FAHD2B: variants seen among roughly 807,000 people sequenced by gnomAD.
FAHD2B encodes the protein fumarylacetoacetate hydrolase domain containing 2B.
In FAHD2B, 26 loss-of-function variants were observed where a neutral mutation model predicts 33.7. The ratio of observed to expected loss-of-function variants is 0.77; its 90% CI spans 0.57 to 1.07. FAHD2B has a LOEUF of 1.07. FAHD2B is among the 50% of genes least tolerant of loss of function. FAHD2B has a pLI of 0.00. For synonymous variants in FAHD2B, 108 were observed against 150.9 expected, an observed-to-expected ratio of 0.72 and a Z score of 2.08; for missense variants, 272 against 388.1, an observed-to-expected ratio of 0.70 and a Z score of 2.51.
chr2:97,083,450 G>C (rs1202937443), downstream of FAHD2B: 1 of 1,323,844 alleles, frequency 7.6e-7, no homozygotes, highest in African/African-American at 1.5e-5. Context: ...GAGACGAGTT[G>C]TCTTTTCCCC....
At chr2:97,079,733 CGGCTCACGGCA>C (rs2031583675), downstream of FAHD2B, among the ~76,000 whole-genome samples, 1 of 151,120 alleles carries the variant, frequency 6.6e-6, no homozygotes, top group African/African-American at 2.4e-5. Flanking sequence ...GGTGCAATCT[CGGCTCACGGCA>C]ACCTCCACCT....
downstream of FAHD2B, chr2:97,081,547 C>T: frequency 1.3e-6 from 2 of 1,534,274 alleles, no homozygotes; most frequent in Middle Eastern, 2.3e-4. Context: ...AAGATCCTTG[C>T]CTGGAGCCTG....
At chr2:97,084,102 G>T in intron 7 of FAHD2B, 67 bp from the exon 8 acceptor site, 2 of 1,613,158 alleles carry the variant, frequency 1.2e-6, no homozygotes, top group Non-Finnish European at 1.7e-6. Context: ...AAAGGTGGAG[G>T]GCTCAGGTCA....
chr2:97,082,024 C>A (rs2443821), downstream of FAHD2B: 2 of 1,576,960 alleles, frequency 1.3e-6, no homozygotes, highest in Non-Finnish European at 1.7e-6. Flanking sequence ...GCAACGGCGA[C>A]TGAGCAGAAA....
chr2:97,082,861 T>G, downstream of FAHD2B: 1 of 838,522 alleles, frequency 1.2e-6, no homozygotes. Context: ...AGGGCTGGCC[T>G]GATGGTGCCT....
At chr2:97,086,095 C>T in intron 5 of FAHD2B, 44 bp downstream of exon 5, 1 of 1,605,864 alleles carries the variant, frequency 6.2e-7, no homozygotes, top group Non-Finnish European at 8.5e-7. Flanking sequence ...GGAGCTGGGG[C>T]CTCTGCTGCA....
chr2:97,085,995 G>C, intron 5 of FAHD2B, 134 bp from the exon 6 acceptor site: 1 of 1,346,136 alleles, frequency 7.4e-7, no homozygotes. Context: ...GGGAAAGGCA[G>C]TGTCAGGGAG....
chr2:97,086,043 GGT>G (rs2031960326), intron 5 of FAHD2B, 94 bp downstream of exon 5: 17 of 1,370,418 alleles, frequency 1.2e-5, no homozygotes, highest in Non-Finnish European at 1.7e-5. Flanking sequence ...AGGGACAGCT[GGT>G]GCCGTGTGTC....
downstream of FAHD2B, chr2:97,083,303 C>T (rs950307452): frequency 7.5e-6 from 12 of 1,591,534 alleles, no homozygotes; most frequent in African/African-American, 5.4e-5. Context: ...AGCCCCAGAA[C>T]ACAGCTGTGT....
At chr2:97,081,497 G>A (rs1341528879), downstream of FAHD2B, 5 of 1,578,342 alleles carry the variant, frequency 3.2e-6, 1 homozygote, top group East Asian at 4.5e-5. Flanking sequence ...TCCAATGCGG[G>A]CTCCTGGTTG....
downstream of FAHD2B, chr2:97,082,540 T>A (rs1177920779): frequency 6.2e-7 from 1 of 1,600,176 alleles, no homozygotes; most frequent in Non-Finnish European, 8.5e-7. Context: ...TGCCAGACAG[T>A]GACAACCCAA....
chr2:97,080,224 G>T (rs1408912041), downstream of FAHD2B, among the ~76,000 whole-genome samples: 7 of 151,942 alleles, frequency 4.6e-5, no homozygotes, highest in East Asian at 1.3e-3. Flanking sequence ...TATAGTTTGG[G>T]GTTTTACATT....
chr2:97,088,977 C>G (rs1387346085), intron 4 of FAHD2B, among the ~76,000 whole-genome samples: 1 of 152,058 alleles, frequency 6.6e-6, no homozygotes, highest in African/African-American at 2.4e-5. Flanking sequence ...CAGCAAATGT[C>G]TACAGTGAAA....
chr2:97,083,013 G>A, downstream of FAHD2B: 2 of 1,027,150 alleles, frequency 1.9e-6, no homozygotes. Context: ...GGCAGCATTT[G>A]CATGCAAACA....
intron 1 of FAHD2B, among the ~76,000 whole-genome samples, chr2:97,094,269 T>C (rs182741869): frequency 1.9e-4 from 29 of 151,864 alleles, no homozygotes; most frequent in African/African-American, 6.8e-4. Flanking sequence ...ATTCCAACCT[T>C]ACAGCAATCC....
chr2:97,081,309 G>T (rs138344706), downstream of FAHD2B: 974 of 1,504,740 alleles, frequency 6.5e-4, 21 homozygotes, highest in East Asian at 0.019. Flanking sequence ...GGTAGGAATG[G>T]CCCATCCCTG....
intron 4 of FAHD2B, among the ~76,000 whole-genome samples, chr2:97,088,441 G>C (rs1185385704): frequency 1.3e-5 from 2 of 152,034 alleles, no homozygotes; most frequent in Non-Finnish European, 2.9e-5. Context: ...TTAAAAACGG[G>C]AGTTTCTCTG....
rs752498834 is a variant in FAHD2B at position 97,091,673 on chromosome 2, C to A, written c.34G>T (p.Ala12Ser). Residue 12 changes from alanine (A) to serine (S), a missense_variant, in exon 3 of 9, where the codon GCT (alanine) becomes TCT (serine). Transcript: ENST00000414820. ...LVSGRRRLLT[A>S]LLQAQKWPFQ... is the part of the protein sequence containing the mutation. Reference sequence around the variant, plus strand: ...GGCCACTTCTGAGCCTGCAGCAGAGCTGTGAGTAATCTTCTTCTACCAGAC... The same window carrying A: ...GGCCACTTCTGAGCCTGCAGCAGAGATGTGAGTAATCTTCTTCTACCAGAC... 5.0e-6 allele frequency: 8 copies of A among 1,613,498 alleles called. No individual in the cohort carries two copies. In the South Asian group the frequency reaches 8.8e-5, roughly 18 times the overall value.
chr2:97,085,604 G>A lies in FAHD2B; in HGVS notation c.685+95C>T. Reference sequence around the variant, plus strand: ...CAGCAGTCAAAGGGCAGCCAGGGAGGGCAGGTGCCACATGTACCTGAACCC... The same window carrying A: ...CAGCAGTCAAAGGGCAGCCAGGGAGAGCAGGTGCCACATGTACCTGAACCC... On this transcript the variant is annotated intron_variant, in intron 6 of 8. Transcript: ENST00000414820. 1.3e-6 allele frequency: 2 copies of A among 1,539,116 alleles called. 1 individual carries two copies. Among genetic ancestry groups the A allele is most frequent in the Non-Finnish European group, 1.8e-6 (2 of 1,139,546 alleles).
Sources: gnomAD v4.1 joint callset for allele counts (sites outside exome capture counted in the v4.1 genomes callset) on GRCh38, gnomAD v4.1.1 for gene constraint, MANE v1.5 for transcripts, NCBI Gene and HGNC (gene_info 2026-07-23, HGNC 2026-07-21) for gene names.